The following AFF3 variants were observed in gnomAD, a reference collection of about 807,000 sequenced individuals.
AFF3 encodes the protein AF4/FMR2 family member 3.
Under a neutral mutation model 129.7 loss-of-function variants are expected in AFF3, and 32 were observed. That is an observed-to-expected ratio of 0.25 (90% CI 0.19 to 0.33). The LOEUF is 0.33. AFF3 is among the 10% of genes least tolerant of loss of function. The pLI, the probability that AFF3 is intolerant of heterozygous loss-of-function variation, is 1.00. For missense variants in AFF3, 1,373 were observed against 1,592.0 expected (o/e 0.86, Z 2.34); for synonymous variants, 644 against 635.4 (o/e 1.01, Z -0.20).
At chr2:100,048,526 T>C (rs902094386) in intron 4 of AFF3, among the ~76,000 whole-genome samples, 1 of 152,238 alleles carries the variant, frequency 6.6e-6, no homozygotes, top group Non-Finnish European at 1.5e-5. Flanking sequence ...ATTTAATTAG[T>C]GAAACCCATT....
At chr2:99,862,346 G>A (rs887432209) in intron 7 of AFF3, among the ~76,000 whole-genome samples, 11 of 152,266 alleles carry the variant, frequency 7.2e-5, no homozygotes, top group African/African-American at 1.9e-4. Flanking sequence ...GATAATGTCC[G>A]GGGTGTTTTC....
intron 7 of AFF3, among the ~76,000 whole-genome samples, chr2:99,864,013 A>G (rs1691191515): frequency 6.6e-6 from 1 of 152,220 alleles, no homozygotes; most frequent in Non-Finnish European, 1.5e-5. Flanking sequence ...ATCCTCCAAA[A>G]GGAAGTCAAG....
chr2:99,835,795 C>T (rs1231051440), intron 8 of AFF3, among the ~76,000 whole-genome samples: 1 of 152,136 alleles, frequency 6.6e-6, no homozygotes, highest in African/African-American at 2.4e-5. Context: ...CATATGGACA[C>T]AAATCTGTGA....
At chr2:99,781,197 A>G (rs1684381021) in intron 8 of AFF3, among the ~76,000 whole-genome samples, 1 of 152,114 alleles carries the variant, frequency 6.6e-6, no homozygotes, top group African/African-American at 2.4e-5. Flanking sequence ...TCTCCATGTC[A>G]GCAATGCCAC....
At chr2:99,948,208 G>A (rs1180891066) in intron 7 of AFF3, among the ~76,000 whole-genome samples, 1 of 152,154 alleles carries the variant, frequency 6.6e-6, no homozygotes, top group Non-Finnish European at 1.5e-5. Context: ...TCTCTGGTCT[G>A]TGGCTGAGGT....
chr2:99,882,563 A>G (rs887929045), intron 7 of AFF3, among the ~76,000 whole-genome samples: 4 of 152,184 alleles, frequency 2.6e-5, no homozygotes, highest in African/African-American at 4.8e-5. Flanking sequence ...GCAGTGCCCA[A>G]TGCAGGCTCA....
At chr2:99,863,730 G>A (rs1691171755) in intron 7 of AFF3, among the ~76,000 whole-genome samples, 1 of 152,202 alleles carries the variant, frequency 6.6e-6, no homozygotes, top group African/African-American at 2.4e-5. Context: ...GAATGCATGA[G>A]TCAGCTGGTG....
At chr2:99,778,100 G>C (rs1239332774) in intron 8 of AFF3, among the ~76,000 whole-genome samples, 1 of 152,062 alleles carries the variant, frequency 6.6e-6, no homozygotes, top group Non-Finnish European at 1.5e-5. Flanking sequence ...AGGCCTGAGA[G>C]CCAGAAGGCA....
At chr2:99,898,242 A>T (rs1454886938) in intron 7 of AFF3, among the ~76,000 whole-genome samples, 1 of 152,246 alleles carries the variant, frequency 6.6e-6, no homozygotes, top group Admixed American at 6.5e-5. Flanking sequence ...AGGATCTTCA[A>T]AATAATAACC....
chr2:99,991,193 A>G (rs999633970), intron 7 of AFF3, among the ~76,000 whole-genome samples: 2 of 152,184 alleles, frequency 1.3e-5, no homozygotes, highest in African/African-American at 4.8e-5. Context: ...TGATGAGACT[A>G]AAGAAATTTC....
intron 8 of AFF3, among the ~76,000 whole-genome samples, chr2:99,799,689 G>C (rs777825461): frequency 6.6e-6 from 1 of 151,938 alleles, no homozygotes; most frequent in Non-Finnish European, 1.5e-5. Context: ...GAATAAAATC[G>C]AAAGATTATA....
At chr2:100,069,923 C>T (rs547971483) in intron 4 of AFF3, among the ~76,000 whole-genome samples, 1 of 152,124 alleles carries the variant, frequency 6.6e-6, no homozygotes, top group African/African-American at 2.4e-5. Context: ...ATAAAAGATC[C>T]CATGTCTCTT....
intron 11 of AFF3, among the ~76,000 whole-genome samples, chr2:99,719,645 C>T (rs1678709129): frequency 6.6e-6 from 1 of 152,128 alleles, no homozygotes; most frequent in African/African-American, 2.4e-5. Flanking sequence ...TACTCTTTGT[C>T]TTGAAGTCTA....
At chr2:99,857,384 T>C (rs975008965) in intron 7 of AFF3, among the ~76,000 whole-genome samples, 1 of 152,254 alleles carries the variant, frequency 6.6e-6, no homozygotes, top group African/African-American at 2.4e-5. Flanking sequence ...ATGCTGATTA[T>C]CAAATGATTC....
intron 12 of AFF3, among the ~76,000 whole-genome samples, chr2:99,671,285 C>T (rs1037308548): frequency 3.3e-5 from 5 of 152,180 alleles, no homozygotes; most frequent in East Asian, 3.9e-4. Context: ...GCTAAGATTG[C>T]TGTGTGGCAG....
chr2:100,084,789 C>T (rs1281941119), intron 4 of AFF3, among the ~76,000 whole-genome samples: 2 of 151,804 alleles, frequency 1.3e-5, no homozygotes, highest in African/African-American at 4.8e-5. Context: ...TTATTATACA[C>T]ATTGGAGAAA....
intron 7 of AFF3, among the ~76,000 whole-genome samples, chr2:99,867,569 T>C (rs1691510560): frequency 1.2e-5 from 1 of 80,980 alleles, no homozygotes; most frequent in South Asian, 6.1e-4. Context: ...GGCCTATATT[T>C]CTATATTAAA....
At chr2:99,572,636 C>A (rs1337744603) in intron 18 of AFF3, 2 of 455,886 alleles carry the variant, frequency 4.4e-6, no homozygotes, top group Admixed American at 4.7e-5. Context: ...TAGGCAACTG[C>A]ATACCAAATG....
rs752879205 is a variant in AFF3 at position 99,601,432 on chromosome 2, T to C, written c.1371+3A>G. Reference sequence around the variant, plus strand: ...GGAGAGGCCTGAGCCAGGCAGCGCTTACCTCGGGGCTGGAGAAGTGGGGGG... The same window carrying C: ...GGAGAGGCCTGAGCCAGGCAGCGCTCACCTCGGGGCTGGAGAAGTGGGGGG... On this transcript the variant is annotated splice_donor_region_variant and intron_variant, in intron 14 of 24. Coordinates refer to ENST00000672756, the MANE Select transcript of AFF3 (RefSeq NM_001386135.1). 3 of 1,599,832 alleles carry C rather than the reference T, an allele frequency of 1.9e-6. No homozygotes were observed. Among genetic ancestry groups the C allele is most frequent in the Admixed American group, 3.4e-5 (2 of 59,114 alleles).
Sources: gnomAD v4.1 joint callset for allele counts (sites outside exome capture counted in the v4.1 genomes callset) on GRCh38, gnomAD v4.1.1 for gene constraint, MANE v1.5 for transcripts, NCBI Gene and HGNC (gene_info 2026-07-23, HGNC 2026-07-21) for gene names.